CLSPN: variants seen among roughly 807,000 people sequenced by gnomAD.
CLSPN encodes claspin homolog.
In CLSPN, 85 loss-of-function variants were observed where a neutral mutation model predicts 156.3. The ratio of observed to expected loss-of-function variants is 0.54; its 90% CI spans 0.46 to 0.65. CLSPN has a LOEUF of 0.65. Among genes scored for constraint, CLSPN ranks in the 30% least tolerant of loss-of-function variants. The probability of loss-of-function intolerance (pLI) is 0.00; values close to 1 mark genes in which losing one functional copy is unlikely to be tolerated. For synonymous variants in CLSPN, 534 were observed against 542.4 expected, an observed-to-expected ratio of 0.98 and a Z score of 0.22; for missense variants, 1,407 against 1,554.9, an observed-to-expected ratio of 0.90 and a Z score of 1.60.
At chr1:35,748,369 G>A in intron 13 of CLSPN, 36 bp downstream of exon 13, 1 of 1,577,384 alleles carries the variant, frequency 6.3e-7, no homozygotes, top group South Asian at 1.1e-5. Flanking sequence ...GGGAAGCAAA[G>A]AGAGGAGGAG....
intron 1 of CLSPN, among the ~76,000 whole-genome samples, chr1:35,766,063 C>T (rs531706806): frequency 7.1e-6 from 1 of 140,782 alleles, no homozygotes; most frequent in South Asian, 2.2e-4. Context: ...GGTGCAATCT[C>T]GGCTCACTGC....
chr1:35,725,296 T>C (rs535712543), intron 24 of CLSPN, among the ~76,000 whole-genome samples: 1 of 152,072 alleles, frequency 6.6e-6, no homozygotes, highest in African/African-American at 2.4e-5. Context: ...GCTGGAAGAA[T>C]GAAAGGTAAT....
chr1:35,729,905 T>C (rs148839568), downstream of CLSPN, among the ~76,000 whole-genome samples: 1 of 152,298 alleles, frequency 6.6e-6, no homozygotes, highest in East Asian at 1.9e-4. Context: ...AGCCCCATTT[T>C]CCAGTTGAGG....
At chr1:35,762,336 T>A (rs1642509183) in intron 5 of CLSPN, 68 bp downstream of exon 5, 1 of 1,309,038 alleles carries the variant, frequency 7.6e-7, no homozygotes, top group Non-Finnish European at 1.1e-6. Context: ...AAAATATTTA[T>A]CCCTAAGAAA....
At chr1:35,759,477 ACTT>A (rs1480939320) in intron 8 of CLSPN, among the ~76,000 whole-genome samples, 5 of 152,200 alleles carry the variant, frequency 3.3e-5, no homozygotes, top group Non-Finnish European at 7.3e-5. Flanking sequence ...TCTCCTTTGT[ACTT>A]CTTATTTGCA....
intron 8 of CLSPN, among the ~76,000 whole-genome samples, chr1:35,755,581 TA>T (rs1642246426): frequency 6.6e-6 from 1 of 152,102 alleles, no homozygotes. Flanking sequence ...CCGATTTTTG[TA>T]TTTTTTGTAG....
chr1:35,732,600 T>C lies in CLSPN; in HGVS notation c.*3896A>G, dbSNP rs1288064749. 2.0e-6 allele frequency: 2 copies of C among 985,432 alleles called. No homozygotes were observed. The highest frequency in any genetic ancestry group is 1.1e-4 in the East Asian group (1 of 8,816). The allele number at this position is 985,432 out of a possible 1,614,324, so 61.0% of individuals were successfully genotyped here. A position where few individuals can be genotyped will look rare whatever the true frequency, so the allele number is the denominator to read the frequency against. ...TACCATGTATCCCTACTCAAGTGTA[T>C]GGAACAAGGAAGAAACAAAAACACT... On this transcript the variant is annotated 3_prime_UTR_variant, in exon 25 of 25. Transcript: ENST00000318121.
At chr1:35,741,559 A>G (rs910732328) in intron 18 of CLSPN, among the ~76,000 whole-genome samples, 1 of 151,746 alleles carries the variant, frequency 6.6e-6, no homozygotes, top group East Asian at 1.9e-4. Flanking sequence ...CAGGTGATCC[A>G]CCCGCCTCAG....
In CLSPN at chr1:35,743,480, T is replaced by C. The variant is rs200793194; in HGVS notation, c.3017A>G (p.Asn1006Ser). Residue 1006 changes from asparagine to serine, a missense_variant, in exon 17 of 25, where the codon AAT becomes AGT. By Grantham distance (46) the Asn-to-Ser change is conservative. Around this residue, in one of 3 missense-constraint regions of CLSPN, gnomAD observed 1,096 missense variants for 1,193.0 expected, o/e 0.92. Transcript: ENST00000318121. Reference protein sequence around the residue: ...EEFGDFRLVSNDNEFDSDEDE... With the variant: ...EEFGDFRLVSSDNEFDSDEDE... ...CTCATCACTATCAAACTCATTATCA[T>C]TTGAAACAAGCCGAAAGTCTCCAAA... The C allele has an allele frequency of 3.1e-6, 5 of 1,613,738 alleles. No homozygotes were observed. The highest frequency in any genetic ancestry group is 1.1e-5 in the South Asian group (1 of 91,082).
At position 35,764,380 on chromosome 1, in the gene CLSPN, A is replaced by C; in HGVS notation, c.468T>G (p.His156Gln). 1 of 1,610,800 alleles carries C rather than the reference A, an allele frequency of 6.2e-7. No individual in the cohort carries two copies. Among genetic ancestry groups the C allele is most frequent in the Non-Finnish European group, 8.5e-7 (1 of 1,179,062 alleles). Residue 156 changes from histidine to glutamine, a missense_variant, in exon 3 of 25, where the codon CAT becomes CAG. By Grantham distance (24) the His-to-Gln change is conservative. This residue lies in a region of CLSPN where 1,096 missense variants were observed against 1,193.0 expected (regional missense o/e 0.92). Transcript: ENST00000318121. The part of the protein sequence containing the change: ...TDRKSSKKHI[H>Q]DKEGTAGKAK... ...CTTTTCCTGCAGTTCCTTCTTTATC[A>C]TGTATGTGCTTTTTGGAACTCTTTC...
intron 18 of CLSPN, among the ~76,000 whole-genome samples, chr1:35,741,481 T>A (rs1467716213): frequency 6.6e-6 from 1 of 152,090 alleles, no homozygotes; most frequent in Admixed American, 6.6e-5. Context: ...CACGCTTGGC[T>A]AATTTTGTAT....
chr1:35,738,989 CG>C, intron 20 of CLSPN, 146 bp downstream of exon 20: 1 of 878,532 alleles, frequency 1.1e-6, no homozygotes, highest in Non-Finnish European at 1.7e-6. Flanking sequence ...TTAGTAGGGA[CG>C]GGGTTTCACC....
intron 8 of CLSPN, 80 bp downstream of exon 8, chr1:35,760,262 T>G (rs1642427096): frequency 8.9e-7 from 1 of 1,119,810 alleles, no homozygotes; most frequent in African/African-American, 1.6e-5. Flanking sequence ...TCCTGTGTTC[T>G]CTGTCCTCGA....
chr1:35,762,168 A>G (rs1642502809), intron 5 of CLSPN, 98 bp from the exon 6 acceptor site: 1 of 989,408 alleles, frequency 1.0e-6, no homozygotes, highest in African/African-American at 1.6e-5. Context: ...AGAAAAGAGG[A>G]AAGGAAATAG....
Position 35,735,959 on chromosome 1 carries a change from C to A in CLSPN, c.*537G>T, listed in dbSNP as rs901995400. The stretch of plus-strand genomic sequence containing the variant: ...CCAAGGCCAGGTGCAGTGACTCATG[C>A]ATGTGACCAGCACTTTGTGGGGCCG... On this transcript the variant is annotated 3_prime_UTR_variant, in exon 25 of 25. Coordinates refer to ENST00000318121, the MANE Select transcript of CLSPN (RefSeq NM_022111.4). The A allele has an allele frequency of 2.0e-6, 2 of 983,670 alleles. No individual in the cohort carries two copies. Among genetic ancestry groups the A allele is most frequent in the African/African-American group, 3.5e-5 (2 of 57,150 alleles). The allele number at this position is 983,670 out of a possible 1,614,324, so 60.9% of individuals were successfully genotyped here.
Position 35,763,215 on chromosome 1 carries a change from T to TC in CLSPN, c.688dup (p.Glu230GlyfsTer33), listed in dbSNP as rs1195593630. 1 of 1,608,282 alleles carries TC rather than the reference T, an allele frequency of 6.2e-7. No homozygotes were observed. The highest frequency in any genetic ancestry group is 8.5e-7 in the Non-Finnish European group (1 of 1,178,130). On this transcript the variant is annotated frameshift_variant, in exon 4 of 25. Transcript: ENST00000318121. LOFTEE classifies it high-confidence loss of function. ...TGCTCTTATTGATTCTAATGACTCT[T>TC]CATCTTCCAATGGAGAGTTATTTTC...
chr1:35,721,061 C>T (rs150289903), intron 24 of CLSPN: 12 of 955,852 alleles, frequency 1.3e-5, no homozygotes, highest in Middle Eastern at 2.2e-4. Context: ...GACCCTGTTT[C>T]CTGCATCTAA....
intron 24 of CLSPN, among the ~76,000 whole-genome samples, chr1:35,723,068 C>T (rs1641110924): frequency 1.3e-5 from 2 of 152,174 alleles, no homozygotes; most frequent in African/African-American, 2.4e-5. Flanking sequence ...AAAAAAGCTC[C>T]AAATGCAGGG....
chr1:35,743,108 A>C (rs777867640), intron 18 of CLSPN, 33 bp downstream of exon 18: 2 of 1,556,262 alleles, frequency 1.3e-6, no homozygotes, highest in South Asian at 1.1e-5. Context: ...TTTTAAATAC[A>C]CCTGAAGGAA....
Sources: allele counts gnomAD v4.1 joint callset (sites outside exome capture counted in the v4.1 genomes callset), GRCh38; gene constraint gnomAD v4.1.1; regional missense constraint gnomAD v4.1.1; transcripts MANE v1.5; gene names NCBI Gene and HGNC (gene_info 2026-07-23, HGNC 2026-07-21).